Variants in SCYL3 observed in about 807,000 individuals in gnomAD.
SCYL3 encodes the protein SCY1 like pseudokinase 3.
In SCYL3, 35 loss-of-function variants were observed where a neutral mutation model predicts 73.8. The ratio of observed to expected loss-of-function variants is 0.47; its 90% CI spans 0.36 to 0.63. SCYL3 has a LOEUF of 0.63. SCYL3 is among the 20% of genes least tolerant of loss of function. SCYL3 has a pLI of 0.00. For missense variants in SCYL3, 712 were observed against 798.9 expected (o/e 0.89, Z 1.31); for synonymous variants, 277 against 295.2 (o/e 0.94, Z 0.63).
chr1:169,886,134 A>G (rs1558145849), intron 2 of SCYL3, among the ~76,000 whole-genome samples: 1 of 152,216 alleles, frequency 6.6e-6, no homozygotes, highest in Non-Finnish European at 1.5e-5. Flanking sequence ...AACATGGTGA[A>G]ACCCCACCTC....
At chr1:169,856,535 T>C (rs1659177466) in intron 11 of SCYL3, among the ~76,000 whole-genome samples, 1 of 152,158 alleles carries the variant, frequency 6.6e-6, no homozygotes, top group Non-Finnish European at 1.5e-5. Context: ...GGGAATAGCC[T>C]GGGGTAAACT....
At chr1:169,864,687 C>T (rs1359285662) in intron 8 of SCYL3, among the ~76,000 whole-genome samples, 179 bp from the exon 9 acceptor site, 1 of 152,144 alleles carries the variant, frequency 6.6e-6, no homozygotes, top group Non-Finnish European at 1.5e-5. Context: ...TGGCTGGGTG[C>T]AGTGGCTCAC....
chr1:169,855,851 G>A (rs778707410), intron 11 of SCYL3: 16 of 1,613,776 alleles, frequency 9.9e-6, no homozygotes, highest in African/African-American at 2.7e-5. Flanking sequence ...TGCTGTTGAT[G>A]GGCGTGCTGC....
intron 2 of SCYL3, among the ~76,000 whole-genome samples, chr1:169,883,849 G>C (rs911455560): frequency 6.6e-6 from 1 of 151,272 alleles, no homozygotes; most frequent in African/African-American, 2.4e-5. Context: ...CTCCCAAGTA[G>C]CTGGGACTAC....
At position 169,852,319 on chromosome 1, in the gene SCYL3, G is replaced by A. The variant is rs1360892256; in HGVS notation, c.*1394C>T. 1.0e-5 allele frequency: 3 copies of A among 298,846 alleles called. No individual in the cohort carries two copies. The Admixed American group carries it at 1.5e-4, about 15-fold the overall frequency. The allele number at this position is 298,846 out of a possible 1,614,324, so 18.5% of individuals were successfully genotyped here. ...CTAATAATTTTTGGCAGTAACTGAA[G>A]ATCACATCTACTTATTAAAAGGCAG... On this transcript the variant is annotated 3_prime_UTR_variant, in exon 13 of 13. Coordinates refer to ENST00000367771, the MANE Select transcript of SCYL3 (RefSeq NM_020423.7).
chr1:169,859,181 G>C lies in SCYL3; in HGVS notation c.1172C>G (p.Ser391Cys), dbSNP rs771579621. 1.9e-6 allele frequency: 3 copies of C among 1,613,352 alleles called. No homozygotes were observed. Among genetic ancestry groups the C allele is most frequent in the Non-Finnish European group, 2.5e-6 (3 of 1,179,770 alleles). ...GCTATGCAGAGTAATTGCCACAATG[G>C]AATCGCTAGTATCACGCAGGCCCAG... ...VLLGLRDTSDSIVAITLHSLA... is the reference protein window; with the variant it reads ...VLLGLRDTSDCIVAITLHSLA... Residue 391 changes from serine to cysteine, a missense_variant, in exon 11 of 13, where the codon TCC (serine) becomes TGC (cysteine). Around this residue, in one of 2 missense-constraint regions of SCYL3, gnomAD observed 370 missense variants for 350.8 expected, o/e 1.05. Coordinates refer to ENST00000367771, the MANE Select transcript of SCYL3 (RefSeq NM_020423.7).
Position 169,859,178 on chromosome 1 carries a change from A to G in SCYL3, c.1175T>C (p.Ile392Thr). Reference sequence around the variant, plus strand: ...TAGGCTATGCAGAGTAATTGCCACAATGGAATCGCTAGTATCACGCAGGCC... The same window carrying G: ...TAGGCTATGCAGAGTAATTGCCACAGTGGAATCGCTAGTATCACGCAGGCC... Reference protein sequence around the residue: ...LLGLRDTSDSIVAITLHSLAV... With the variant: ...LLGLRDTSDSTVAITLHSLAV... Residue 392 changes from isoleucine (I) to threonine (T), a missense_variant, in exon 11 of 13, where the codon ATT becomes ACT. Ile to Thr is a moderately conservative substitution (Grantham distance 89). This residue lies in a region of SCYL3 where 370 missense variants were observed against 350.8 expected (regional missense o/e 1.05). Coordinates refer to ENST00000367771, the MANE Select transcript of SCYL3 (RefSeq NM_020423.7). The G allele has an allele frequency of 6.2e-7, 1 of 1,613,490 alleles. No individual in the cohort carries two copies. Among genetic ancestry groups the G allele is most frequent in the Non-Finnish European group, 8.5e-7 (1 of 1,179,802 alleles).
chr1:169,892,205 C>G (rs918099167), intron 1 of SCYL3, among the ~76,000 whole-genome samples: 1 of 152,192 alleles, frequency 6.6e-6, no homozygotes, highest in Non-Finnish European at 1.5e-5. Flanking sequence ...ATTCTTCACA[C>G]TAATATATCT....
rs928994310 is a variant in SCYL3 at position 169,854,021 on chromosome 1, T to G, written c.2007+249A>C. 8.7e-6 allele frequency: 5 copies of G among 576,794 alleles called. No individual in the cohort carries two copies. In the African/African-American group the frequency reaches 9.5e-5, roughly 11 times the overall value. 35.7% of individuals were successfully genotyped at this position (576,794 alleles called of 1,614,324 possible). ...ATCAGTGTGGATGACACCAAATCCT[T>G]ATTTTAATCCCTTTTTTTTCTTTTT... On this transcript the variant is annotated intron_variant, in intron 12 of 12. Transcript: ENST00000367771.
intron 4 of SCYL3, among the ~76,000 whole-genome samples, chr1:169,874,176 T>G (rs1660629027): frequency 6.6e-6 from 1 of 152,100 alleles, no homozygotes; most frequent in Non-Finnish European, 1.5e-5. Context: ...CCACACGAGA[T>G]TAGAAAGTTG....
At chr1:169,875,495 A>G (rs1406800212) in intron 4 of SCYL3, among the ~76,000 whole-genome samples, 2 of 152,226 alleles carry the variant, frequency 1.3e-5, no homozygotes, top group Non-Finnish European at 2.9e-5. Context: ...CTACTAAGAT[A>G]CCATGTATGA....
rs147935620 is a variant in SCYL3, at chr1:169,878,661, C to A, written c.324G>T (p.Leu108Phe). The change falls in exon 3 of 13, where the codon TTG becomes TTT. Residue 108 changes from leucine (L) to phenylalanine (F), a missense_variant. Coordinates refer to ENST00000367771, the MANE Select transcript of SCYL3 (RefSeq NM_020423.7). Reference protein sequence around the residue: ...AEVCAGIYDILLALIFLHDRG... With the variant: ...AEVCAGIYDIFLALIFLHDRG... ...TGTCATGAAGGAAGATAAGAGCCAG[C>A]AATATGTCATAGATCCCAGCACAGA... is the stretch of plus-strand genomic sequence containing the variant. 2.5e-6 allele frequency: 4 copies of A among 1,613,190 alleles called. No homozygotes were observed. Among genetic ancestry groups the A allele is most frequent in the Admixed American group, 1.7e-5 (1 of 59,756 alleles).
intron 2 of SCYL3, among the ~76,000 whole-genome samples, chr1:169,886,061 C>T (rs1214130942): frequency 2.6e-5 from 4 of 152,128 alleles, no homozygotes; most frequent in African/African-American, 4.8e-5. Context: ...GCCTGTAATC[C>T]CAGCACTTTG....
At chr1:169,864,805 C>A (rs547976319) in intron 8 of SCYL3, among the ~76,000 whole-genome samples, 7 of 151,980 alleles carry the variant, frequency 4.6e-5, no homozygotes, top group Non-Finnish European at 7.4e-5. Flanking sequence ...ACTAAAAGTA[C>A]AAAAATTAGC....
chr1:169,888,975 C>G (rs557829417), intron 1 of SCYL3, 85 bp from the exon 2 acceptor site: 6 of 674,000 alleles, frequency 8.9e-6, no homozygotes, highest in Admixed American at 7.3e-5. Context: ...CCACCCCAAA[C>G]TACTAGTTTC....
In SCYL3 at chr1:169,862,732, C is replaced by G. The variant is rs145244688; in HGVS notation, c.1021G>C (p.Val341Leu). The G allele has an allele frequency of 4.3e-6, 7 of 1,614,044 alleles. No homozygotes were observed. In the African/African-American group the frequency reaches 9.3e-5, roughly 22 times the overall value. The part of the protein sequence containing the change: ...PALFQSRVIP[V>L]LLQLFEVHEE... ...TGAACTTCAAACAACTGGAGAAGCA[C>G]GGGGATCACCCGTGACTGGAACAGG... The change falls in exon 10 of 13, where the codon GTG becomes CTG. Residue 341 changes from valine to leucine, a missense_variant. Coordinates refer to ENST00000367771, the MANE Select transcript of SCYL3 (RefSeq NM_020423.7).
In SCYL3 at chr1:169,854,293, A is replaced by G. The variant is rs1658901523; in HGVS notation, c.1984T>C (p.Phe662Leu). Residue 662 changes from phenylalanine to leucine, a missense_variant, in exon 12 of 13, where the codon TTT becomes CTT. Coordinates refer to ENST00000367771, the MANE Select transcript of SCYL3 (RefSeq NM_020423.7). ...ACCTCAGTAATTTCTGCTGCAGCAA[A>G]TTTTGAGGAAAACTGCATCACTGGG... ...VSPVMQFSSK[F>L]AAAEITEGEA... 2.5e-6 allele frequency: 4 copies of G among 1,606,324 alleles called. No homozygotes were observed. The South Asian group carries it at 4.5e-5, about 18-fold the overall frequency.
chr1:169,893,673 C>G (rs1360104593), intron 1 of SCYL3, 115 bp downstream of exon 1: 1 of 151,478 alleles, frequency 6.6e-6, no homozygotes, highest in East Asian at 1.9e-4. Flanking sequence ...CGCGCGGGCC[C>G]CAGAGCGCAG....
At position 169,851,913 on chromosome 1, in the gene SCYL3, G is replaced by A; in HGVS notation, c.*1800C>T. 6.2e-7 allele frequency: 1 copy of A among 1,614,044 alleles called. No homozygotes were observed. The highest frequency in any genetic ancestry group is 8.5e-7 in the Non-Finnish European group (1 of 1,179,950). On this transcript the variant is annotated 3_prime_UTR_variant, in exon 13 of 13. Coordinates refer to ENST00000367771, the MANE Select transcript of SCYL3 (RefSeq NM_020423.7). Reference sequence around the variant, plus strand: ...ACCCTTTGCTAATGTGACTGTAGAAGAAGCAAAGAGGTCATCTTTACAGGT... The same window carrying A: ...ACCCTTTGCTAATGTGACTGTAGAAAAAGCAAAGAGGTCATCTTTACAGGT...
Sources: gnomAD v4.1 joint callset for allele counts (sites outside exome capture counted in the v4.1 genomes callset) on GRCh38, gnomAD v4.1.1 for gene constraint, gnomAD v4.1.1 regional missense constraint, MANE v1.5 for transcripts, NCBI Gene and HGNC (gene_info 2026-07-23, HGNC 2026-07-21) for gene names.